The following GFRA1 variants were observed in gnomAD, a reference collection of about 807,000 sequenced individuals.
GFRA1 encodes GDNF family receptor alpha 1, also known as GDNF family receptor alpha-1.
A neutral mutation model predicts 51.6 loss-of-function variants in GFRA1; 16 were observed. That is an observed-to-expected ratio of 0.31 (90% CI 0.21 to 0.47). The LOEUF is 0.47. Among genes scored for constraint, GFRA1 ranks in the 20% least tolerant of loss-of-function variants. GFRA1 has a pLI of 1.00. For missense variants in GFRA1, 530 were observed against 594.3 expected, an observed-to-expected ratio of 0.89 and a Z score of 1.13; for synonymous variants, 270 against 241.3, an observed-to-expected ratio of 1.12 and a Z score of -1.10.
intron 5 of GFRA1, among the ~76,000 whole-genome samples, chr10:116,143,907 A>G (rs966678467): frequency 9.9e-5 from 15 of 152,154 alleles, no homozygotes; most frequent in Admixed American, 9.2e-4. Flanking sequence ...CGGCTTTGCT[A>G]AAAGAGGTGT....
chr10:116,212,523 AACACACACACACACACACACACAC>A (rs71010072), intron 4 of GFRA1, among the ~76,000 whole-genome samples: 3 of 142,608 alleles, frequency 2.1e-5, no homozygotes, highest in South Asian at 2.3e-4. Context: ...TCCGTCTCAA[AACACACACACACACACACACACAC>A]ACACACACAC....
At chr10:116,088,580 C>T (rs977743305) in intron 9 of GFRA1, among the ~76,000 whole-genome samples, 1 of 152,120 alleles carries the variant, frequency 6.6e-6, no homozygotes. Flanking sequence ...ATAGTGACAG[C>T]ATCTCTCCTG....
chr10:116,161,239 C>T (rs773035956), intron 5 of GFRA1, among the ~76,000 whole-genome samples: 1 of 152,162 alleles, frequency 6.6e-6, no homozygotes, highest in Non-Finnish European at 1.5e-5. Flanking sequence ...TAGACTTTCT[C>T]CGTGTGGTCA....
rs752134873 is a variant in GFRA1, at chr10:116,065,554, C to T, written c.1251+19G>A. Reference sequence around the variant, plus strand: ...ATGTTTCTATAAATGCACGAAGCCTCCAAAAGAAACATACTTACATTGGAA... The same window carrying T: ...ATGTTTCTATAAATGCACGAAGCCTTCAAAAGAAACATACTTACATTGGAA... On this transcript the variant is annotated intron_variant, in intron 10 of 10. Transcript: ENST00000355422. 13 of 1,603,830 alleles carry T rather than the reference C, an allele frequency of 8.1e-6. No individual in the cohort carries two copies. The highest frequency in any genetic ancestry group is 9.4e-6 in the Non-Finnish European group (11 of 1,170,878).
At chr10:116,220,956 C>T (rs1476451273) in intron 4 of GFRA1, among the ~76,000 whole-genome samples, 2 of 152,124 alleles carry the variant, frequency 1.3e-5, no homozygotes, top group East Asian at 3.9e-4. Flanking sequence ...TTTTCTTTCT[C>T]TCTCTTTCTC....
intron 6 of GFRA1, among the ~76,000 whole-genome samples, chr10:116,100,729 T>C (rs1565575494): frequency 6.6e-6 from 1 of 152,146 alleles, no homozygotes; most frequent in Non-Finnish European, 1.5e-5. Context: ...CCCTCACTGT[T>C]CCAGCAGCAA....
At chr10:116,075,361 C>T (rs970686092) in intron 9 of GFRA1, among the ~76,000 whole-genome samples, 12 of 152,190 alleles carry the variant, frequency 7.9e-5, no homozygotes, top group Non-Finnish European at 1.6e-4. Context: ...CGCCTCGGCA[C>T]AGGCTCCTCC....
intron 5 of GFRA1, among the ~76,000 whole-genome samples, chr10:116,154,374 C>G (rs907443577): frequency 2.0e-5 from 3 of 152,174 alleles, no homozygotes; most frequent in Admixed American, 1.3e-4. Context: ...GAAAAACATA[C>G]AGCAATTAAA....
intron 5 of GFRA1, among the ~76,000 whole-genome samples, chr10:116,173,867 G>A (rs1280725511): frequency 2.0e-5 from 2 of 97,880 alleles, no homozygotes; most frequent in African/African-American, 3.9e-5. Flanking sequence ...ACCTAAGGTC[G>A]GGAGTTCGAT....
rs28595470 is a variant in GFRA1, at chr10:116,148,056, A to G, written c.434-22499T>C. On this transcript the variant is annotated intron_variant, in intron 5 of 10. Transcript: ENST00000355422. ...TGTGTGCATGTGCGTGTGTGCATGCATGTGTGCATGCGTGTGTGCATGTGT... is the reference window on the plus strand; with the variant it reads ...TGTGTGCATGTGCGTGTGTGCATGCGTGTGTGCATGCGTGTGTGCATGTGT... Among the ~76,000 whole-genome samples, 197 of 136,482 alleles carry G rather than the reference A, an allele frequency of 1.4e-3. 2 individuals are homozygous for G. The highest frequency in any genetic ancestry group is 3.5e-3 in the African/African-American group (119 of 34,090). The allele number at this position is 136,482 out of a possible 152,430, so 89.5% of individuals were successfully genotyped here.
At position 116,229,828 on chromosome 10, in the gene GFRA1, T is replaced by C. The variant is rs80266503; in HGVS notation, c.419-18183A>G. Among the ~76,000 whole-genome samples the C allele has an allele frequency of 2.3e-3, 353 of 152,302 alleles. 5 individuals are homozygous for C. The highest frequency in any genetic ancestry group is 0.021 in the Admixed American group (321 of 15,290). On this transcript the variant is annotated intron_variant, in intron 4 of 10. Transcript: ENST00000355422. ...ATGGCTGGGCCTCCTTCTCCTTCCTTTTACTGACAGATGAGAAAATAGTTT... is the reference window on the plus strand; with the variant it reads ...ATGGCTGGGCCTCCTTCTCCTTCCTCTTACTGACAGATGAGAAAATAGTTT...
At chr10:116,268,205 AT>A (rs770286141) in intron 4 of GFRA1, among the ~76,000 whole-genome samples, 1 of 152,216 alleles carries the variant, frequency 6.6e-6, no homozygotes, top group Non-Finnish European at 1.5e-5. Flanking sequence ...AATCAAACAA[AT>A]TTGAGTTTCA....
intron 9 of GFRA1, among the ~76,000 whole-genome samples, chr10:116,072,685 C>T (rs959177087): frequency 7.9e-5 from 12 of 152,178 alleles, no homozygotes; most frequent in East Asian, 1.9e-4. Context: ...TGCTTGAACC[C>T]GGGAGGGGGA....
At chr10:116,132,848 C>T (rs1338167576) in intron 5 of GFRA1, among the ~76,000 whole-genome samples, 1 of 152,060 alleles carries the variant, frequency 6.6e-6, no homozygotes, top group East Asian at 1.9e-4. Context: ...CAAAGCCAGC[C>T]CTCCATCAGC....
chr10:116,197,163 C>T (rs758098929), intron 5 of GFRA1, among the ~76,000 whole-genome samples: 24 of 151,926 alleles, frequency 1.6e-4, no homozygotes, highest in Non-Finnish European at 3.1e-4. Flanking sequence ...ACCTAATCAC[C>T]GAGGCAACAG....
chr10:116,082,222 A>G, intron 9 of GFRA1, among the ~76,000 whole-genome samples: 1 of 151,020 alleles, frequency 6.6e-6, no homozygotes, highest in East Asian at 1.9e-4. Flanking sequence ...CCAGAGTGGC[A>G]GCTCCAAGTC....
chr10:116,189,088 CT>C (rs1486854572), intron 5 of GFRA1, among the ~76,000 whole-genome samples: 18 of 121,362 alleles, frequency 1.5e-4, no homozygotes, highest in South Asian at 2.8e-4. Flanking sequence ...GACCTTGTCT[CT>C]TAAAAAAAAA....
intron 5 of GFRA1, among the ~76,000 whole-genome samples, chr10:116,153,669 T>C (rs563289857): frequency 6.6e-6 from 1 of 152,320 alleles, no homozygotes; most frequent in Admixed American, 6.5e-5. Flanking sequence ...AGAAACTATA[T>C]TAATGACTTG....
intron 5 of GFRA1, among the ~76,000 whole-genome samples, chr10:116,158,801 C>T (rs1959432541): frequency 6.6e-6 from 1 of 152,198 alleles, no homozygotes; most frequent in South Asian, 2.1e-4. Context: ...GGGGGTCATC[C>T]TGGCTGCAAA....
Sources: gnomAD v4.1 joint callset for allele counts (sites outside exome capture counted in the v4.1 genomes callset) on GRCh38, gnomAD v4.1.1 for gene constraint, MANE v1.5 for transcripts, NCBI Gene and HGNC (gene_info 2026-07-23, HGNC 2026-07-21) for gene names.